The following DESI2 variants were observed in gnomAD, a reference collection of about 807,000 sequenced individuals.
DESI2 encodes the protein deubiquitinase DESI2.
In DESI2, 10 loss-of-function variants were observed where a neutral mutation model predicts 24.1. The observed-to-expected ratio is 0.41, with a 90% CI of 0.26 to 0.70. The LOEUF (loss-of-function observed/expected upper bound fraction) is 0.70, where lower values mean the gene tolerates loss of function less well. DESI2 is among the 30% of genes least tolerant of loss of function. The probability of loss-of-function intolerance (pLI) is 0.29; values close to 1 mark genes in which losing one functional copy is unlikely to be tolerated. For missense variants in DESI2, 122 were observed against 234.9 expected (o/e 0.52, Z 3.14); for synonymous variants, 71 against 87.7 (o/e 0.81, Z 1.06).
intron 2 of DESI2, among the ~76,000 whole-genome samples, chr1:244,688,089 C>T (rs1676885529): frequency 6.6e-6 from 1 of 152,116 alleles, no homozygotes; most frequent in Admixed American, 6.6e-5. Context: ...AATCATTGCT[C>T]CCCTTCATAA....
intron 2 of DESI2, among the ~76,000 whole-genome samples, chr1:244,688,714 A>C (rs1676909483): frequency 7.1e-6 from 1 of 140,910 alleles, no homozygotes; most frequent in African/African-American, 2.5e-5. Flanking sequence ...GTGGATGGGT[A>C]TGTGTGTTAA....
intron 4 of DESI2, 23 bp from the exon 5 acceptor site, chr1:244,705,533 A>G (rs769231480): frequency 1.1e-5 from 18 of 1,604,648 alleles, no homozygotes; most frequent in Non-Finnish European, 1.5e-5. Flanking sequence ...CTTACCTAAT[A>G]CAGAACTCTT....
intron 1 of DESI2, among the ~76,000 whole-genome samples, chr1:244,672,875 T>TAAG (rs1185721624): frequency 2.4e-3 from 1 of 412 alleles, no homozygotes; most frequent in Non-Finnish European, 0.021. Context: ...ACTCTGTCTG[T>TAAG]AATAATAATA....
chr1:244,657,432 C>G (rs1459906816), intron 1 of DESI2, among the ~76,000 whole-genome samples: 2 of 152,198 alleles, frequency 1.3e-5, no homozygotes, highest in Non-Finnish European at 2.9e-5. Context: ...CAAAAAGCCA[C>G]CACTTTTGTT....
At chr1:244,658,685 A>G (rs898874854) in intron 1 of DESI2, among the ~76,000 whole-genome samples, 1 of 152,168 alleles carries the variant, frequency 6.6e-6, no homozygotes, top group African/African-American at 2.4e-5. Context: ...TGGCATGAAA[A>G]GATCATGTGA....
chr1:244,654,745 C>G (rs759045261), intron 1 of DESI2, among the ~76,000 whole-genome samples: 1 of 152,184 alleles, frequency 6.6e-6, no homozygotes, highest in African/African-American at 2.4e-5. Context: ...TTCAGCTGAA[C>G]ACCTTTATCT....
At chr1:244,663,324 C>A (rs568490656) in intron 1 of DESI2, among the ~76,000 whole-genome samples, 2 of 150,940 alleles carry the variant, frequency 1.3e-5, no homozygotes, top group South Asian at 4.2e-4. Context: ...CTACAGGCGC[C>A]TGCCACCACG....
intron 4 of DESI2, chr1:244,694,592 C>A (rs1350710837): frequency 3.5e-6 from 3 of 846,634 alleles, no homozygotes; most frequent in Non-Finnish European, 4.1e-6. Context: ...TATACTTTCT[C>A]TTGCGCTTGG....
chr1:244,703,426 G>T (rs949504701), intron 4 of DESI2, among the ~76,000 whole-genome samples: 1 of 152,024 alleles, frequency 6.6e-6, no homozygotes, highest in Admixed American at 6.6e-5. Context: ...CACAGTCTTG[G>T]CTCTCTGCAG....
chr1:244,700,846 C>T (rs1374858173), intron 4 of DESI2, among the ~76,000 whole-genome samples: 1 of 152,194 alleles, frequency 6.6e-6, no homozygotes, highest in Non-Finnish European at 1.5e-5. Context: ...ACCATAAGCA[C>T]CACCAATATG....
chr1:244,700,182 A>G (rs1392746842), intron 4 of DESI2, among the ~76,000 whole-genome samples: 1 of 152,140 alleles, frequency 6.6e-6, no homozygotes, highest in Non-Finnish European at 1.5e-5. Flanking sequence ...GAATACAGCT[A>G]TATGCTATGT....
intron 1 of DESI2, among the ~76,000 whole-genome samples, chr1:244,683,334 CAG>C (rs893295794): frequency 2.0e-5 from 3 of 151,286 alleles, no homozygotes; most frequent in Non-Finnish European, 4.4e-5. Context: ...TTTTTTGAGA[CAG>C]AGTCTCGCTC....
At position 244,686,751 on chromosome 1, in the gene DESI2, CTTTTT is replaced by C. The variant is rs879886963; in HGVS notation, c.115+85_115+89del. 7.5e-6 allele frequency: 6 copies of C among 805,180 alleles called. No homozygotes were observed. The African/African-American group carries it at 8.8e-5, about 12-fold the overall frequency. The allele number at this position is 805,180 out of a possible 1,614,324, so 49.9% of individuals were successfully genotyped here. The stretch of plus-strand genomic sequence containing the variant: ...TGCAAAATCATAACTATAGGTCTCT[CTTTTT>C]TTAACCACTTGCATATGTTATTACA... On this transcript the variant is annotated intron_variant, in intron 2 of 4. Transcript: ENST00000302550.
At chr1:244,660,890 C>T (rs2819017) in intron 1 of DESI2, among the ~76,000 whole-genome samples, 10,556 of 152,078 alleles carry the variant, frequency 0.069, 482 homozygotes, top group Middle Eastern at 0.11. Flanking sequence ...TATACTTTCA[C>T]GTTATATTTG....
chr1:244,672,693 A>G (rs1175642367), intron 1 of DESI2, among the ~76,000 whole-genome samples: 1 of 152,148 alleles, frequency 6.6e-6, no homozygotes, highest in African/African-American at 2.4e-5. Context: ...CCTGGACAAC[A>G]TGGTGAAACC....
intron 2 of DESI2, among the ~76,000 whole-genome samples, chr1:244,686,920 A>T (rs192592652): frequency 1.2e-3 from 183 of 152,354 alleles, no homozygotes; most frequent in African/African-American, 4.3e-3. Context: ...TATTCTAAAT[A>T]CTATGTTTTA....
rs144677147 is a variant in DESI2, at chr1:244,654,870, G to C, written c.42+1515G>C. On this transcript the variant is annotated intron_variant, in intron 1 of 4. Transcript: ENST00000302550. ...GTCTTTCAGAATATATTCTGCTCTT[G>C]AGATCACAGTGTGCCTTTTCTCCTA... is the stretch of plus-strand genomic sequence containing the variant. Among the ~76,000 whole-genome samples the C allele has an allele frequency of 3.1e-3, 469 of 152,214 alleles. 3 individuals carry two copies. Among genetic ancestry groups the C allele is most frequent in the Non-Finnish European group, 5.1e-3 (345 of 68,026 alleles).
chr1:244,683,827 C>T (rs1432758374), intron 1 of DESI2, among the ~76,000 whole-genome samples: 2 of 151,722 alleles, frequency 1.3e-5, no homozygotes, highest in Admixed American at 1.3e-4. Context: ...CTCAGTTCTC[C>T]CACCTCAGCC....
intron 3 of DESI2, among the ~76,000 whole-genome samples, chr1:244,690,002 G>A (rs909898545): frequency 1.3e-5 from 2 of 152,230 alleles, no homozygotes; most frequent in African/African-American, 4.8e-5. Flanking sequence ...TACATGTAAT[G>A]ATAAACCTAA....
Sources: allele counts gnomAD v4.1 joint callset (sites outside exome capture counted in the v4.1 genomes callset), GRCh38; gene constraint gnomAD v4.1.1; transcripts MANE v1.5; gene names NCBI Gene and HGNC (gene_info 2026-07-23, HGNC 2026-07-21).